Variants in RBFOX3 observed in about 807,000 individuals in gnomAD.
The protein encoded by RBFOX3 is RNA binding fox-1 homolog 3, also known as RNA binding protein fox-1 homolog 3.
Under a neutral mutation model 48.7 loss-of-function variants are expected in RBFOX3, and 17 were observed. The ratio of observed to expected loss-of-function variants is 0.35; its 90% CI spans 0.24 to 0.52. The LOEUF (loss-of-function observed/expected upper bound fraction) is 0.52, where lower values mean the gene tolerates loss of function less well. Among genes scored for constraint, RBFOX3 ranks in the 20% least tolerant of loss-of-function variants. The pLI is 0.94. For missense variants in RBFOX3, 382 were observed against 497.5 expected (o/e 0.77, Z 2.21); for synonymous variants, 212 against 209.5 (o/e 1.01, Z -0.10).
chr17:79,296,403 C>T (rs961199757), intron 3 of RBFOX3, among the ~76,000 whole-genome samples: 35 of 152,074 alleles, frequency 2.3e-4, no homozygotes, highest in African/African-American at 8.2e-4. Context: ...TTGCCAGAGC[C>T]GGGCTGTGTT....
intron 1 of RBFOX3, among the ~76,000 whole-genome samples, chr17:79,607,800 T>C (rs1269081153): frequency 6.6e-6 from 1 of 152,146 alleles, no homozygotes; most frequent in Non-Finnish European, 1.5e-5. Context: ...CCAGGGAAGA[T>C]GGCATTTTCT....
chr17:79,367,600 T>A, intron 2 of RBFOX3, among the ~76,000 whole-genome samples: 1 of 152,122 alleles, frequency 6.6e-6, no homozygotes, highest in East Asian at 1.9e-4. Flanking sequence ...ATTGCAAAAG[T>A]CAGATTTACT....
chr17:79,291,504 A>G (rs4789997), intron 3 of RBFOX3, among the ~76,000 whole-genome samples: 45,882 of 152,120 alleles, frequency 0.3, 7,039 homozygotes, highest in Middle Eastern at 0.44. Flanking sequence ...GCTCTTGGTC[A>G]GGGATGCTCC....
intron 2 of RBFOX3, among the ~76,000 whole-genome samples, chr17:79,428,498 G>A (rs974540269): frequency 6.6e-5 from 10 of 152,196 alleles, no homozygotes; most frequent in Middle Eastern, 3.2e-3. Context: ...TCCCTAACAC[G>A]GGGCTGCTGT....
At chr17:79,506,386 T>G (rs1052059079) in intron 1 of RBFOX3, among the ~76,000 whole-genome samples, 4 of 152,102 alleles carry the variant, frequency 2.6e-5, no homozygotes, top group Non-Finnish European at 5.9e-5. Flanking sequence ...GCATCACGCA[T>G]GGGGAAATTC....
At chr17:79,383,031 AACACACACACACAC>A (rs60851419) in intron 2 of RBFOX3, among the ~76,000 whole-genome samples, 28,201 of 141,400 alleles carry the variant, frequency 0.2, 2,858 homozygotes, top group South Asian at 0.3. Context: ...CTGCCTCTCA[AACACACACACACAC>A]ACACACACAC....
At chr17:79,167,688 C>T (rs947642050) in intron 4 of RBFOX3, among the ~76,000 whole-genome samples, 3 of 152,196 alleles carry the variant, frequency 2.0e-5, no homozygotes, top group South Asian at 2.1e-4. Context: ...CCTGCAGTCC[C>T]GCCACCCGTC....
chr17:79,217,400 T>C (rs897389748), intron 4 of RBFOX3, among the ~76,000 whole-genome samples: 3 of 152,168 alleles, frequency 2.0e-5, no homozygotes, highest in African/African-American at 7.2e-5. Context: ...CCAGGTCCCA[T>C]CCTGCATCTC....
intron 2 of RBFOX3, among the ~76,000 whole-genome samples, chr17:79,417,347 G>T (rs884652): frequency 0.15 from 22,889 of 152,214 alleles, 1,946 homozygotes; most frequent in Non-Finnish European, 0.19. Context: ...GCCTGGCTCT[G>T]CAGTTCTTGA....
intron 2 of RBFOX3, among the ~76,000 whole-genome samples, chr17:79,427,388 C>T (rs1391576725): frequency 6.6e-6 from 1 of 152,206 alleles, no homozygotes; most frequent in Non-Finnish European, 1.5e-5. Flanking sequence ...CGGGAAGCAC[C>T]CCTGTCTCTG....
chr17:79,557,765 C>T (rs1349248352), intron 1 of RBFOX3, among the ~76,000 whole-genome samples: 4 of 152,166 alleles, frequency 2.6e-5, no homozygotes, highest in Admixed American at 6.5e-5. Flanking sequence ...ATCGGGCAGG[C>T]GGGGGCATCT....
At chr17:79,654,042 A>G in the RBFOX3 span, among the ~76,000 whole-genome samples, 3 of 150,658 alleles carry the variant, frequency 2.0e-5, no homozygotes, top group East Asian at 1.9e-4. Context: ...TTTTTTTTTC[A>G]TCTCCACAAA....
rs969853343 is a variant in RBFOX3 at position 79,550,841 on chromosome 17, T to C, written c.-320+59985A>G. Among the ~76,000 whole-genome samples the C allele has an allele frequency of 2.7e-3, 408 of 152,316 alleles. 2 individuals carry two copies. The highest frequency in any genetic ancestry group is 9.5e-3 in the African/African-American group (396 of 41,566). On this transcript the variant is annotated intron_variant, in intron 1 of 14. Transcript: ENST00000693108. ...ATGGACAGACAGCTGGATGATACTC[T>C]GTTGAAATAAATGGAAGCAAATGGA... is the stretch of plus-strand genomic sequence containing the variant.
intron 1 of RBFOX3, among the ~76,000 whole-genome samples, chr17:79,518,543 G>A (rs988376634): frequency 0.017 from 2,548 of 152,360 alleles, 70 homozygotes; most frequent in African/African-American, 0.059. Flanking sequence ...GGGAAACACT[G>A]TAATCCCTGA....
intron 1 of RBFOX3, among the ~76,000 whole-genome samples, chr17:79,573,571 G>A (rs1448432567): frequency 6.6e-6 from 1 of 152,218 alleles, no homozygotes; most frequent in Non-Finnish European, 1.5e-5. Context: ...GGGAAGAACA[G>A]GCACCTGTCC....
intron 1 of RBFOX3, among the ~76,000 whole-genome samples, chr17:79,485,854 C>T (rs1264242792): frequency 2.0e-5 from 3 of 152,230 alleles, no homozygotes; most frequent in Non-Finnish European, 2.9e-5. Flanking sequence ...CTAGCCCCAC[C>T]GATAGGCCCA....
At chr17:79,478,051 C>G (rs2078201334) in intron 2 of RBFOX3, among the ~76,000 whole-genome samples, 1 of 152,168 alleles carries the variant, frequency 6.6e-6, no homozygotes, top group African/African-American at 2.4e-5. Flanking sequence ...GCCATGATCC[C>G]CCTCTCCCCG....
At chr17:79,553,771 T>C (rs1449092614) in intron 1 of RBFOX3, among the ~76,000 whole-genome samples, 1 of 152,022 alleles carries the variant, frequency 6.6e-6, no homozygotes, top group Non-Finnish European at 1.5e-5. Context: ...CTCTCTCTGT[T>C]GCCCAGGCTG....
At chr17:79,405,896 C>T (rs2063479712) in intron 2 of RBFOX3, among the ~76,000 whole-genome samples, 1 of 152,188 alleles carries the variant, frequency 6.6e-6, no homozygotes, top group South Asian at 2.1e-4. Flanking sequence ...TGTTTTCCAC[C>T]ACCTCTGAGT....
Sources: allele counts gnomAD v4.1 joint callset (sites outside exome capture counted in the v4.1 genomes callset), GRCh38; gene constraint gnomAD v4.1.1; transcripts MANE v1.5; gene names NCBI Gene and HGNC (gene_info 2026-07-23, HGNC 2026-07-21).